The following LRRC49 variants were observed in gnomAD, a reference collection of about 807,000 sequenced individuals.
LRRC49 encodes leucine rich repeat containing 49, also known as leucine-rich repeat-containing protein 49.
Under a neutral mutation model 83.3 loss-of-function variants are expected in LRRC49, and 50 were observed. The ratio of observed to expected loss-of-function variants is 0.60; its 90% CI spans 0.48 to 0.76. The LOEUF is 0.76. Among genes scored for constraint, LRRC49 ranks in the 30% least tolerant of loss-of-function variants. The pLI, the probability that LRRC49 is intolerant of heterozygous loss-of-function variation, is 0.00. For missense variants in LRRC49, 704 were observed against 809.1 expected, an observed-to-expected ratio of 0.87 and a Z score of 1.58; for synonymous variants, 286 against 283.3, an observed-to-expected ratio of 1.01 and a Z score of -0.10.
intron 11 of LRRC49, among the ~76,000 whole-genome samples, chr15:70,985,497 G>T (rs904338352): frequency 1.1e-4 from 17 of 151,920 alleles, no homozygotes; most frequent in African/African-American, 1.9e-4. Flanking sequence ...TCTTGTAAAT[G>T]TGTTTGAGTT....
At chr15:70,918,360 T>C (rs1164505153) in intron 6 of LRRC49, 2 of 151,966 alleles carry the variant, frequency 1.3e-5, no homozygotes, top group African/African-American at 2.4e-5. Flanking sequence ...GCCACAGAGG[T>C]TTCTGGTCAG....
In LRRC49 at chr15:71,051,947, C is replaced by G. The variant is rs1286891847; in HGVS notation, c.*2335C>G. On this transcript the variant is annotated 3_prime_UTR_variant, in exon 16 of 16. Transcript: ENST00000260382. Reference sequence around the variant, plus strand: ...CTTTCGCTCCTACCTGCTCCCACTACCCCATACTGATTTCTACTTCTTGAA... The same window carrying G: ...CTTTCGCTCCTACCTGCTCCCACTAGCCCATACTGATTTCTACTTCTTGAA... The G allele has an allele frequency of 6.6e-6, 1 of 152,346 alleles. No individual in the cohort carries two copies. Among genetic ancestry groups the G allele is most frequent in the Non-Finnish European group, 1.5e-5 (1 of 68,146 alleles). 9.4% of individuals were successfully genotyped at this position (152,346 alleles called of 1,614,324 possible).
intron 8 of LRRC49, among the ~76,000 whole-genome samples, chr15:70,959,295 C>T (rs2036512082): frequency 6.6e-6 from 1 of 152,012 alleles, no homozygotes; most frequent in South Asian, 2.1e-4. Flanking sequence ...GAGTTCAAGA[C>T]CAGCCTGGCC....
intron 11 of LRRC49, among the ~76,000 whole-genome samples, chr15:70,987,845 T>C (rs1452181234): frequency 6.6e-6 from 1 of 152,216 alleles, no homozygotes; most frequent in East Asian, 1.9e-4. Context: ...GTCTTTGTTC[T>C]CGTTGGTTTC....
chr15:70,927,765 A>C (rs920900907), intron 7 of LRRC49, among the ~76,000 whole-genome samples: 4 of 152,136 alleles, frequency 2.6e-5, no homozygotes, highest in African/African-American at 9.7e-5. Context: ...CTCCCACCTC[A>C]GCCTTCCATG....
upstream of LRRC49, among the ~76,000 whole-genome samples, chr15:70,890,764 TACATGCAACA>T (rs1215551374): frequency 4.6e-5 from 7 of 152,154 alleles, no homozygotes; most frequent in African/African-American, 1.7e-4. Context: ...GATATTATAA[TACATGCAACA>T]ACTGAGCAAA....
intron 1 of LRRC49, among the ~76,000 whole-genome samples, chr15:70,872,421 G>T (rs1459352299): frequency 6.6e-6 from 1 of 151,374 alleles, no homozygotes; most frequent in African/African-American, 2.4e-5. Flanking sequence ...AGAGGGAGAG[G>T]AGGAGGGGGA....
At chr15:70,926,293 C>T (rs1260406427) in intron 7 of LRRC49, among the ~76,000 whole-genome samples, 1 of 152,066 alleles carries the variant, frequency 6.6e-6, no homozygotes, top group East Asian at 1.9e-4. Context: ...TGCCCAGGCT[C>T]GTTTTGAACT....
At chr15:70,879,544 A>G (rs1257222439) in intron 2 of LRRC49, among the ~76,000 whole-genome samples, 1 of 152,228 alleles carries the variant, frequency 6.6e-6, no homozygotes, top group East Asian at 1.9e-4. Flanking sequence ...AGTAGCAGCT[A>G]AGCTAAGGCT....
intron 2 of LRRC49, chr15:70,873,333 A>T: frequency 1.6e-6 from 2 of 1,239,934 alleles, no homozygotes; most frequent in Non-Finnish European, 2.3e-6. Flanking sequence ...AAGCTATTAT[A>T]CAAGAATGAA....
At chr15:70,896,170 C>T (rs946088997) in intron 3 of LRRC49, among the ~76,000 whole-genome samples, 8 of 151,642 alleles carry the variant, frequency 5.3e-5, no homozygotes, top group Non-Finnish European at 8.8e-5. Context: ...GGGCTATACA[C>T]TAGAGAATGG....
At chr15:70,999,924 A>C (rs931315537) in intron 11 of LRRC49, among the ~76,000 whole-genome samples, 2 of 152,214 alleles carry the variant, frequency 1.3e-5, no homozygotes, top group Non-Finnish European at 2.9e-5. Context: ...TACAAAGGCA[A>C]GCCCTTGAGC....
chr15:71,024,517 A>G (rs1251904926), intron 14 of LRRC49, among the ~76,000 whole-genome samples: 11 of 152,150 alleles, frequency 7.2e-5, no homozygotes, highest in Non-Finnish European at 1.3e-4. Context: ...CAGTAGCCCT[A>G]CAGAAGAGGG....
chr15:70,964,157 T>C (rs2036710026), intron 9 of LRRC49, among the ~76,000 whole-genome samples: 1 of 152,164 alleles, frequency 6.6e-6, no homozygotes, highest in South Asian at 2.1e-4. Context: ...AAATTAATCA[T>C]CGTGTTTATT....
At chr15:71,042,473 A>G (rs1433682018) in intron 15 of LRRC49, among the ~76,000 whole-genome samples, 1 of 152,190 alleles carries the variant, frequency 6.6e-6, no homozygotes, top group African/African-American at 2.4e-5. Flanking sequence ...GGAGATGTGG[A>G]TTTGAGCCCC....
chr15:70,993,729 T>C (rs2037978336), intron 11 of LRRC49, among the ~76,000 whole-genome samples: 1 of 152,240 alleles, frequency 6.6e-6, no homozygotes, highest in Non-Finnish European at 1.5e-5. Context: ...CAGTTCTATT[T>C]CTAATTTCTT....
chr15:70,912,296 A>G (rs1328490047), intron 6 of LRRC49, among the ~76,000 whole-genome samples: 1 of 152,126 alleles, frequency 6.6e-6, no homozygotes, highest in Admixed American at 6.5e-5. Flanking sequence ...TGCTATTATG[A>G]ATAGTACTTC....
At chr15:71,027,353 G>GCCTA (rs1297710887) in intron 14 of LRRC49, among the ~76,000 whole-genome samples, 3 of 152,176 alleles carry the variant, frequency 2.0e-5, no homozygotes, top group Non-Finnish European at 2.9e-5. Context: ...TAGCCTTGTA[G>GCCTA]CCTAGTTTGA....
At chr15:70,864,205 G>A (rs1027643379) in intron 1 of LRRC49, among the ~76,000 whole-genome samples, 3 of 152,070 alleles carry the variant, frequency 2.0e-5, no homozygotes, top group African/African-American at 4.8e-5. Flanking sequence ...AACATTAGTG[G>A]GTAAAAGGGC....
Sources: allele counts gnomAD v4.1 joint callset (sites outside exome capture counted in the v4.1 genomes callset), GRCh38; gene constraint gnomAD v4.1.1; transcripts MANE v1.5; gene names NCBI Gene and HGNC (gene_info 2026-07-23, HGNC 2026-07-21).